PRPF3: variants seen among roughly 807,000 people sequenced by gnomAD.
The protein encoded by PRPF3 is U4/U6 small nuclear ribonucleoprotein Prp3.
In PRPF3, 3 loss-of-function variants were observed where a neutral mutation model predicts 89.2. That is an observed-to-expected ratio of 0.03 (90% CI 0.02 to 0.09). PRPF3 has a LOEUF of 0.09. Among genes scored for constraint, PRPF3 ranks in the 10% least tolerant of loss-of-function variants. The pLI is 1.00. For missense variants in PRPF3, 463 were observed against 828.8 expected, an observed-to-expected ratio of 0.56 and a Z score of 5.42; for synonymous variants, 270 against 289.1, an observed-to-expected ratio of 0.93 and a Z score of 0.67.
At chr1:150,348,133 A>G (rs961851164) in intron 14 of PRPF3, among the ~76,000 whole-genome samples, 27 of 152,060 alleles carry the variant, frequency 1.8e-4, no homozygotes, top group Admixed American at 7.2e-4. Flanking sequence ...CTGTAATCCC[A>G]GCACTTTGGG....
At chr1:150,338,359 A>C in intron 8 of PRPF3, 33 bp downstream of exon 8, 1 of 1,600,206 alleles carries the variant, frequency 6.2e-7, no homozygotes, top group Non-Finnish European at 8.6e-7. Flanking sequence ...TTAAAAAAAC[A>C]GTTTTTAATC....
intron 4 of PRPF3, among the ~76,000 whole-genome samples, chr1:150,332,259 G>A (rs1227621547): frequency 6.6e-6 from 1 of 151,850 alleles, no homozygotes; most frequent in South Asian, 2.1e-4. Context: ...AATATTTTGT[G>A]TAGGTTCTGT....
At chr1:150,347,250 A>G (rs751738167) in intron 14 of PRPF3, among the ~76,000 whole-genome samples, 29 of 151,266 alleles carry the variant, frequency 1.9e-4, no homozygotes, top group Non-Finnish European at 3.7e-4. Flanking sequence ...TGTCTGATAT[A>G]TATATATACA....
chr1:150,323,031 C>A (rs1372515411), intron 1 of PRPF3, among the ~76,000 whole-genome samples: 1 of 151,968 alleles, frequency 6.6e-6, no homozygotes, highest in East Asian at 1.9e-4. Flanking sequence ...CAGGTCACCA[C>A]GCCCAGCTAA....
chr1:150,338,495 G>GTAT lies in PRPF3; in HGVS notation c.1202+170_1202+171insATT, dbSNP rs1467846345. ...GATAAGTAACTGTACACAAGGTCCT[G>GTAT]TTATTTTTTTTTTTTTTTTTTTTGA... On this transcript the variant is annotated intron_variant, in intron 8 of 15. Coordinates refer to ENST00000324862, the MANE Select transcript of PRPF3 (RefSeq NM_004698.4). Among the ~76,000 whole-genome samples, 47 of 35,742 alleles carry GTAT rather than the reference G, an allele frequency of 1.3e-3. 17 individuals carry two copies. Among genetic ancestry groups the GTAT allele is most frequent in the Non-Finnish European group, 9.3e-4 (16 of 17,242 alleles). 23.4% of individuals were successfully genotyped at this position (35,742 alleles called of 152,430 possible).
chr1:150,337,634 CG>C (rs1657174069), intron 7 of PRPF3, among the ~76,000 whole-genome samples: 2 of 151,544 alleles, frequency 1.3e-5, no homozygotes, highest in East Asian at 3.9e-4. Context: ...AAAAATGAGC[CG>C]GGCGTGGTGA....
chr1:150,352,793 T>A (rs1560126557), intron 15 of PRPF3, 40 bp from the exon 16 acceptor site: 8 of 1,596,460 alleles, frequency 5.0e-6, no homozygotes, highest in Non-Finnish European at 6.0e-6. Flanking sequence ...CTGATTTAAA[T>A]AAGAAATTGA....
chr1:150,328,741 T>TG (rs1655996351), intron 4 of PRPF3, among the ~76,000 whole-genome samples: 1 of 151,452 alleles, frequency 6.6e-6, no homozygotes, highest in Non-Finnish European at 1.5e-5. Context: ...TTAGTAGAGA[T>TG]GGGGTTTCAC....
chr1:150,328,547 ATTTTTTTT>A (rs34437719), intron 4 of PRPF3, 81 bp downstream of exon 4: 22 of 580,894 alleles, frequency 3.8e-5, no homozygotes, highest in Admixed American at 5.1e-5. Flanking sequence ...TTATTGTGGA[ATTTTTTTT>A]TTTTTTTTTT....
At chr1:150,348,689 T>C (rs1158774880) in intron 14 of PRPF3, 5 of 176,818 alleles carry the variant, frequency 2.8e-5, no homozygotes, top group South Asian at 1.2e-4. Flanking sequence ...TCTCAAACTC[T>C]TGACCTCAGG....
At position 150,343,437 on chromosome 1, in the gene PRPF3, C is replaced by T; in HGVS notation, c.1411C>T (p.Pro471Ser). The T allele has an allele frequency of 1.2e-6, 2 of 1,613,738 alleles. No individual in the cohort carries two copies. The highest frequency in any genetic ancestry group is 1.3e-5 in the African/African-American group (1 of 75,034). The change falls in exon 10 of 16, where the codon CCT (proline) becomes TCT (serine). Residue 471 changes from proline to serine, a missense_variant. Physicochemically the swap from Pro to Ser is moderately conservative, Grantham distance 74. This residue lies in a region of PRPF3 where 261 missense variants were observed against 475.8 expected (regional missense o/e 0.55). Transcript: ENST00000324862. ...AAAAGTCAGGCTGGGCCTGATGCCT[C>T]CTCCAGAACCCAAAGGTGCATTTCT... is the stretch of plus-strand genomic sequence containing the variant. ...QEKVRLGLMPPPEPKVRISNL... is the reference protein window; with the variant it reads ...QEKVRLGLMPSPEPKVRISNL...
At chr1:150,352,614 G>A (rs992047033) in intron 15 of PRPF3, among the ~76,000 whole-genome samples, 1 of 152,134 alleles carries the variant, frequency 6.6e-6, no homozygotes, top group Non-Finnish European at 1.5e-5. Flanking sequence ...GCAGTGAGCC[G>A]AGATCGTGCC....
chr1:150,329,377 A>G (rs1656075067), intron 4 of PRPF3, among the ~76,000 whole-genome samples: 1 of 152,068 alleles, frequency 6.6e-6, no homozygotes, highest in Non-Finnish European at 1.5e-5. Context: ...GCGTTCTTTG[A>G]TTTGACCAGG....
chr1:150,339,567 G>A (rs1657446085), intron 8 of PRPF3, among the ~76,000 whole-genome samples: 1 of 151,590 alleles, frequency 6.6e-6, no homozygotes, highest in Non-Finnish European at 1.5e-5. Flanking sequence ...CTCCCAAGTA[G>A]CTGAGATTAT....
At chr1:150,326,465 T>C (rs1553863791) in intron 3 of PRPF3, among the ~76,000 whole-genome samples, 1 of 152,192 alleles carries the variant, frequency 6.6e-6, no homozygotes, top group East Asian at 1.9e-4. Context: ...TATTCTGTAG[T>C]TGCCGACTGA....
intron 1 of PRPF3, 54 bp downstream of exon 1, chr1:150,321,646 C>T (rs1350148056): frequency 6.6e-6 from 1 of 152,606 alleles, no homozygotes; most frequent in Non-Finnish European, 1.5e-5. Context: ...GCCACTGTGG[C>T]CGGGGACTCA....
Position 150,328,312 on chromosome 1 carries a change from T to A in PRPF3, c.277-8T>A, listed in dbSNP as rs1553864371. ...ATACAGCTTTTCTTTCATCTTGGGT[T>A]CCCTTAGGAGGTGTTTGGTGATGAC... On this transcript the variant is annotated splice_polypyrimidine_tract_variant and splice_region_variant and intron_variant, in intron 3 of 15. Coordinates refer to ENST00000324862, the MANE Select transcript of PRPF3 (RefSeq NM_004698.4). 1.9e-6 allele frequency: 3 copies of A among 1,613,908 alleles called. No individual in the cohort carries two copies. Among genetic ancestry groups the A allele is most frequent in the Non-Finnish European group, 2.5e-6 (3 of 1,179,948 alleles).
intron 9 of PRPF3, chr1:150,343,049 C>G (rs1657931754): frequency 6.1e-6 from 1 of 164,476 alleles, no homozygotes; most frequent in South Asian, 1.9e-4. Context: ...TGGCTCATGC[C>G]TGGCCAACAT....
At chr1:150,337,890 C>T (rs370442000) in intron 7 of PRPF3, among the ~76,000 whole-genome samples, 6 of 151,936 alleles carry the variant, frequency 3.9e-5, no homozygotes, top group Non-Finnish European at 7.4e-5. Flanking sequence ...GGCTGAGCAA[C>T]GTGGAGAAAC....
Sources: allele counts gnomAD v4.1 joint callset (sites outside exome capture counted in the v4.1 genomes callset), GRCh38; gene constraint gnomAD v4.1.1; regional missense constraint gnomAD v4.1.1; transcripts MANE v1.5; gene names NCBI Gene and HGNC (gene_info 2026-07-23, HGNC 2026-07-21).